MBIP: variants seen among roughly 807,000 people sequenced by gnomAD.
MBIP encodes MAP3K12 binding inhibitory protein 1, also known as MAP3K12-binding inhibitory protein 1.
A neutral mutation model predicts 45.7 loss-of-function variants in MBIP; 32 were observed. The observed-to-expected ratio is 0.70, with a 90% CI of 0.53 to 0.94. The LOEUF (loss-of-function observed/expected upper bound fraction) is 0.94, where lower values mean the gene tolerates loss of function less well. Among genes scored for constraint, MBIP ranks in the 40% least tolerant of loss-of-function variants. The probability of loss-of-function intolerance (pLI) is 0.00; values close to 1 mark genes in which losing one functional copy is unlikely to be tolerated. For synonymous variants in MBIP, 145 were observed against 141.0 expected (o/e 1.03, Z -0.20); for missense variants, 381 against 405.5 (o/e 0.94, Z 0.52).
rs554073119 is a variant in MBIP at position 36,308,042 on chromosome 14, C to T, written c.888+50G>A. On this transcript the variant is annotated intron_variant, in intron 7 of 8. Coordinates refer to ENST00000416007, the MANE Select transcript of MBIP (RefSeq NM_016586.3). The stretch of plus-strand genomic sequence containing the variant: ...GAGTGACTGTTAAACCACAAAGAAT[C>T]CAGAATACAATAACATTTTCATTTA... 3.9e-6 allele frequency: 4 copies of T among 1,013,132 alleles called. No individual in the cohort carries two copies. The Admixed American group carries it at 6.3e-5, about 16-fold the overall frequency. 62.8% of individuals were successfully genotyped at this position (1,013,132 alleles called of 1,614,324 possible). A position where few individuals can be genotyped will look rare whatever the true frequency, so the allele number is the denominator to read the frequency against.
intron 8 of MBIP, among the ~76,000 whole-genome samples, chr14:36,300,148 G>A (rs1299339129): frequency 2.0e-5 from 3 of 152,016 alleles, no homozygotes; most frequent in African/African-American, 4.8e-5. Flanking sequence ...ATAATCAATA[G>A]TAAAAAAAGT....
rs569503077 is a variant in MBIP, at chr14:36,311,194, CAT to C, written c.790+377_790+378del. On this transcript the variant is annotated intron_variant, in intron 6 of 8. Transcript: ENST00000416007. ...GTTTGAGCAGGGTGCAGTAGTGACACATGATTGTAGTCCCACTGACACAGGAG... is the reference window on the plus strand; with the variant it reads ...GTTTGAGCAGGGTGCAGTAGTGACACGATTGTAGTCCCACTGACACAGGAG... 5.8e-4 allele frequency among the ~76,000 whole-genome samples: 89 copies of C among 152,280 alleles called. No individual in the cohort carries two copies. The South Asian group carries it at 0.018, about 31-fold the overall frequency.
At chr14:36,308,831 G>A (rs1280649752) in intron 6 of MBIP, among the ~76,000 whole-genome samples, 1 of 152,034 alleles carries the variant, frequency 6.6e-6, no homozygotes, top group African/African-American at 2.4e-5. Context: ...TCCCAAACTG[G>A]TCTCCCTGTT....
In MBIP at chr14:36,299,188, C is replaced by G; in HGVS notation, c.930G>C (p.Gln310His). Residue 310 changes from glutamine to histidine, a missense_variant and splice_region_variant, in exon 9 of 9, where the codon CAG becomes CAC. Coordinates refer to ENST00000416007, the MANE Select transcript of MBIP (RefSeq NM_016586.3). ...CATCAAGTTCAGCCAGTGAATAGTT[C>G]TGCTGTAAACAATAACGACACAAAT... is the stretch of plus-strand genomic sequence containing the variant. ...GKRRKVQPPQ[Q>H]NYSLAELDEK... 1.2e-6 allele frequency: 2 copies of G among 1,606,152 alleles called. No homozygotes were observed. Among genetic ancestry groups the G allele is most frequent in the South Asian group, 2.2e-5 (2 of 90,748 alleles).
rs1334983053 is a variant in MBIP, at chr14:36,320,616, A to G, written c.-28T>C. On this transcript the variant is annotated 5_prime_UTR_variant, in exon 1 of 9. Transcript: ENST00000416007. Reference sequence around the variant, plus strand: ...TATCTTCTCAGGCCGCCCCACCACCACCACCACCAAGATTTGCTCACAACC... The same window carrying G: ...TATCTTCTCAGGCCGCCCCACCACCGCCACCACCAAGATTTGCTCACAACC... 1.9e-6 allele frequency: 3 copies of G among 1,575,532 alleles called. No homozygotes were observed. The highest frequency in any genetic ancestry group is 2.3e-5 in the South Asian group (2 of 85,656).
chr14:36,301,148 GT>G (rs534257068), intron 7 of MBIP: 42 of 194,348 alleles, frequency 2.2e-4, no homozygotes, highest in Middle Eastern at 2.2e-3. Flanking sequence ...TTTCTGCTTA[GT>G]TTTTTTTCAT....
intron 7 of MBIP, among the ~76,000 whole-genome samples, chr14:36,303,075 G>GTACA (rs1434650165): frequency 6.6e-6 from 1 of 152,192 alleles, no homozygotes; most frequent in East Asian, 1.9e-4. Flanking sequence ...ATAGGCCAGT[G>GTACA]TACACATTCT....
intron 1 of MBIP, among the ~76,000 whole-genome samples, chr14:36,320,098 C>A (rs1157585141): frequency 2.0e-5 from 3 of 152,004 alleles, no homozygotes; most frequent in African/African-American, 7.3e-5. Context: ...CCAACCAATT[C>A]CCATAAAGAG....
In MBIP at chr14:36,300,841, A is replaced by G; in HGVS notation, c.889-18T>C. 4 of 1,396,150 alleles carry G rather than the reference A, an allele frequency of 2.9e-6. No homozygotes were observed. The highest frequency in any genetic ancestry group is 3.9e-6 in the Non-Finnish European group (4 of 1,012,802). 86.5% of individuals were successfully genotyped at this position (1,396,150 alleles called of 1,614,324 possible). A position where few individuals can be genotyped will look rare whatever the true frequency, so the allele number is the denominator to read the frequency against. On this transcript the variant is annotated intron_variant, in intron 7 of 8. Transcript: ENST00000416007. ...GAAAAGCTCTAGATTAAAAAAAAAA[A>G]GGTAATGTTTAGAAAAATCTAAGCA...
At chr14:36,308,347 G>A (rs941915028) in intron 6 of MBIP, among the ~76,000 whole-genome samples, 158 bp from the exon 7 acceptor site, 4 of 152,134 alleles carry the variant, frequency 2.6e-5, no homozygotes, top group Admixed American at 1.3e-4. Flanking sequence ...TCCTTAGGTC[G>A]TATTTTTGTA....
chr14:36,308,205 A>C lies in MBIP; in HGVS notation c.791-16T>G, dbSNP rs780493128. The C allele has an allele frequency of 7.7e-7, 1 of 1,302,916 alleles. No individual in the cohort carries two copies. Among genetic ancestry groups the C allele is most frequent in the South Asian group, 1.3e-5 (1 of 78,220 alleles). The allele number at this position is 1,302,916 out of a possible 1,614,324, so 80.7% of individuals were successfully genotyped here. ...ACTGGACCACCTAAATACATTAAAAAAAAATCTGAGATACTATTGAATAAT... is the reference window on the plus strand; with the variant it reads ...ACTGGACCACCTAAATACATTAAAACAAAATCTGAGATACTATTGAATAAT... On this transcript the variant is annotated splice_polypyrimidine_tract_variant and intron_variant, in intron 6 of 8. Coordinates refer to ENST00000416007, the MANE Select transcript of MBIP (RefSeq NM_016586.3).
chr14:36,302,322 C>T (rs959540696), intron 7 of MBIP, among the ~76,000 whole-genome samples: 9 of 151,992 alleles, frequency 5.9e-5, no homozygotes, highest in Non-Finnish European at 1.0e-4. Context: ...GAAACCCAGT[C>T]TCTACTAAAA....
At chr14:36,314,185 G>C (rs1880392150) in intron 4 of MBIP, 1 of 220,576 alleles carries the variant, frequency 4.5e-6, no homozygotes, top group Non-Finnish European at 8.9e-6. Context: ...GAAATTCATA[G>C]AGCTCAGTTC....
At chr14:36,310,172 TTC>T (rs1880118989) in intron 6 of MBIP, among the ~76,000 whole-genome samples, 1 of 152,202 alleles carries the variant, frequency 6.6e-6, no homozygotes, top group Admixed American at 6.5e-5. Flanking sequence ...ACCCATCCAC[TTC>T]TGAGGGAAGA....
intron 4 of MBIP, chr14:36,313,174 T>C (rs1040162218): frequency 6.6e-6 from 1 of 151,358 alleles, no homozygotes; most frequent in Non-Finnish European, 1.5e-5. Context: ...CCTCAAAATA[T>C]GCTTAAAGGG....
Position 36,316,803 on chromosome 14 carries a change from T to TGA in MBIP, c.137_138dup (p.Arg47SerfsTer6), listed in dbSNP as rs1424246694. The stretch of plus-strand genomic sequence containing the variant: ...ATTGTAATTTTCACCACATCATCTC[T>TGA]GAGGTCAAGCTTCAAAGGGGCAAAC... On this transcript the variant is annotated frameshift_variant, in exon 2 of 9. Coordinates refer to ENST00000416007, the MANE Select transcript of MBIP (RefSeq NM_016586.3). LOFTEE classifies it high-confidence loss of function. 1.2e-6 allele frequency: 2 copies of TGA among 1,609,640 alleles called. No individual in the cohort carries two copies. The highest frequency in any genetic ancestry group is 1.7e-6 in the Non-Finnish European group (2 of 1,178,272).
chr14:36,319,611 T>G (rs764169430), intron 1 of MBIP: 38 of 438,806 alleles, frequency 8.7e-5, no homozygotes, highest in African/African-American at 6.5e-4. Context: ...AATGCCTGCT[T>G]TGTCCACTTG....
chr14:36,307,687 T>C (rs546493360), intron 7 of MBIP, among the ~76,000 whole-genome samples: 91 of 152,228 alleles, frequency 6.0e-4, no homozygotes, highest in Admixed American at 3.8e-3. Flanking sequence ...TAACTGCATA[T>C]GAGCTGAGAG....
chr14:36,311,461 T>C, intron 6 of MBIP, 112 bp downstream of exon 6: 1 of 946,140 alleles, frequency 1.1e-6, no homozygotes, highest in South Asian at 1.7e-5. Flanking sequence ...GACTGGCACT[T>C]ACTGTTCAAG....
Sources: allele counts gnomAD v4.1 joint callset (sites outside exome capture counted in the v4.1 genomes callset), GRCh38; gene constraint gnomAD v4.1.1; transcripts MANE v1.5; gene names NCBI Gene and HGNC (gene_info 2026-07-23, HGNC 2026-07-21).